Variants in OLA1 observed in about 807,000 individuals in gnomAD.
OLA1 encodes the protein Obg like ATPase 1, also known as obg-like ATPase 1.
OLA1 carries 14 observed loss-of-function variants against 48.4 expected under a neutral mutation model. The observed-to-expected ratio is 0.29, with a 90% CI of 0.19 to 0.45. OLA1 has a LOEUF of 0.45. OLA1 is among the 20% of genes least tolerant of loss of function. The probability of loss-of-function intolerance (pLI) is 1.00; values close to 1 mark genes in which losing one functional copy is unlikely to be tolerated. For missense variants in OLA1, 325 were observed against 467.1 expected (o/e 0.70, Z 2.80); for synonymous variants, 127 against 150.4 (o/e 0.84, Z 1.14).
At chr2:174,215,937 T>TA (rs1688352028) in intron 4 of OLA1, among the ~76,000 whole-genome samples, 1 of 152,142 alleles carries the variant, frequency 6.6e-6, no homozygotes. Flanking sequence ...TGTATTGCTG[T>TA]AAAAAGTAAT....
chr2:174,141,178 C>T (rs1339804796), intron 5 of OLA1, among the ~76,000 whole-genome samples: 1 of 152,250 alleles, frequency 6.6e-6, no homozygotes, highest in East Asian at 1.9e-4. Context: ...GTGATCCACC[C>T]GCCTCAGCTT....
At chr2:174,121,711 A>C (rs1685918595) in intron 7 of OLA1, among the ~76,000 whole-genome samples, 1 of 152,226 alleles carries the variant, frequency 6.6e-6, no homozygotes, top group Non-Finnish European at 1.5e-5. Flanking sequence ...TCTCACAAAA[A>C]ACATGGGGTG....
chr2:174,208,294 T>C (rs1360208712), intron 4 of OLA1, among the ~76,000 whole-genome samples: 1 of 152,160 alleles, frequency 6.6e-6, no homozygotes, highest in African/African-American at 2.4e-5. Context: ...CAAACCATTA[T>C]TATTAAATTA....
intron 7 of OLA1, among the ~76,000 whole-genome samples, chr2:174,091,092 T>C (rs1412153284): frequency 6.6e-6 from 1 of 152,232 alleles, no homozygotes; most frequent in East Asian, 1.9e-4. Flanking sequence ...GCCTGGCACA[T>C]AGTGGGTGCT....
At chr2:174,127,602 A>C (rs911127320) in intron 5 of OLA1, among the ~76,000 whole-genome samples, 1 of 152,152 alleles carries the variant, frequency 6.6e-6, no homozygotes, top group African/African-American at 2.4e-5. Flanking sequence ...ACTGTACATA[A>C]AGTTCCGTTT....
intron 7 of OLA1, among the ~76,000 whole-genome samples, chr2:174,107,611 T>TA (rs1212558964): frequency 8.5e-5 from 13 of 152,198 alleles, no homozygotes; most frequent in African/African-American, 2.9e-4. Context: ...CAACATAAAA[T>TA]ACAGTTGTCA....
intron 7 of OLA1, among the ~76,000 whole-genome samples, chr2:174,114,594 G>A (rs1685738061): frequency 6.6e-6 from 1 of 151,992 alleles, no homozygotes; most frequent in Non-Finnish European, 1.5e-5. Flanking sequence ...TTTCAAAATG[G>A]ATTAAATCCA....
chr2:174,230,863 T>C (rs1476471564), intron 2 of OLA1, among the ~76,000 whole-genome samples: 1 of 152,118 alleles, frequency 6.6e-6, no homozygotes, highest in Non-Finnish European at 1.5e-5. Context: ...AAGGCATCTG[T>C]TTGAAGGGTC....
intron 4 of OLA1, among the ~76,000 whole-genome samples, chr2:174,150,298 T>C (rs1293803398): frequency 6.6e-6 from 1 of 152,208 alleles, no homozygotes; most frequent in African/African-American, 2.4e-5. Context: ...CACCATATGA[T>C]GGCCTGTGCT....
At chr2:174,196,988 A>G (rs1032337044) in intron 4 of OLA1, among the ~76,000 whole-genome samples, 4 of 152,368 alleles carry the variant, frequency 2.6e-5, no homozygotes, top group African/African-American at 9.6e-5. Context: ...TGTATTCTAT[A>G]GGTTAATAAT....
At chr2:174,149,521 G>A (rs10930644) in intron 4 of OLA1, among the ~76,000 whole-genome samples, 80,751 of 151,960 alleles carry the variant, frequency 0.53, 22,039 homozygotes, top group East Asian at 0.95. Flanking sequence ...TATATAAACC[G>A]TTTCTAATAT....
At chr2:174,224,300 C>T (rs115502471) in intron 3 of OLA1, among the ~76,000 whole-genome samples, 290 of 152,268 alleles carry the variant, frequency 1.9e-3, no homozygotes, top group African/African-American at 6.5e-3. Flanking sequence ...GGTACCTATA[C>T]GGATTTTCAT....
At chr2:174,112,659 T>C (rs1301179641) in intron 7 of OLA1, among the ~76,000 whole-genome samples, 1 of 151,956 alleles carries the variant, frequency 6.6e-6, no homozygotes, top group African/African-American at 2.4e-5. Flanking sequence ...ATTTCAGGAG[T>C]GGACTCCTGA....
At chr2:174,170,566 G>C (rs1323727390) in intron 4 of OLA1, among the ~76,000 whole-genome samples, 1 of 152,078 alleles carries the variant, frequency 6.6e-6, no homozygotes, top group Non-Finnish European at 1.5e-5. Context: ...TAATAAAATA[G>C]AACACAATCA....
At chr2:174,241,670 CTG>C (rs1356140774) in intron 2 of OLA1, among the ~76,000 whole-genome samples, 1 of 152,252 alleles carries the variant, frequency 6.6e-6, no homozygotes, top group Non-Finnish European at 1.5e-5. Flanking sequence ...GAGTCGCACT[CTG>C]TGGCCCAGGT....
intron 7 of OLA1, among the ~76,000 whole-genome samples, chr2:174,115,399 C>T (rs1375118726): frequency 4.6e-5 from 7 of 152,146 alleles, no homozygotes; most frequent in Admixed American, 2.0e-4. Context: ...ACTTTAAAGG[C>T]TGTTTAAAAC....
chr2:174,101,095 C>T (rs992621978), intron 7 of OLA1, among the ~76,000 whole-genome samples: 2 of 151,892 alleles, frequency 1.3e-5, no homozygotes, highest in Middle Eastern at 3.2e-3. Context: ...TAAATGAAAA[C>T]GCCAATTTTC....
At position 174,132,175 on chromosome 2, in the gene OLA1, T is replaced by C. The variant is rs189202639; in HGVS notation, c.550-8500A>G. 3.4e-3 allele frequency among the ~76,000 whole-genome samples: 511 copies of C among 152,222 alleles called. 4 individuals are homozygous for C. The highest frequency in any genetic ancestry group is 0.011 in the African/African-American group (471 of 41,572). Reference sequence around the variant, plus strand: ...CTTATAATATCCTCTTAGTAGCCTATTGATGTCTACAGAATCTACAGTAAC... The same window carrying C: ...CTTATAATATCCTCTTAGTAGCCTACTGATGTCTACAGAATCTACAGTAAC... On this transcript the variant is annotated intron_variant, in intron 5 of 10. Coordinates refer to ENST00000284719, the MANE Select transcript of OLA1 (RefSeq NM_013341.5).
intron 4 of OLA1, among the ~76,000 whole-genome samples, chr2:174,184,928 G>A (rs1318835419): frequency 6.6e-6 from 1 of 152,202 alleles, no homozygotes; most frequent in Non-Finnish European, 1.5e-5. Flanking sequence ...TATAATATGT[G>A]AAGAAAATGC....
Sources: gnomAD v4.1 joint callset for allele counts (sites outside exome capture counted in the v4.1 genomes callset) on GRCh38, gnomAD v4.1.1 for gene constraint, MANE v1.5 for transcripts, NCBI Gene and HGNC (gene_info 2026-07-23, HGNC 2026-07-21) for gene names.